RPS6KA2: variants seen among roughly 807,000 people sequenced by gnomAD.
RPS6KA2 encodes the protein ribosomal protein S6 kinase A2, also known as ribosomal protein S6 kinase alpha-2.
RPS6KA2 carries 42 observed loss-of-function variants against 91.8 expected under a neutral mutation model. The observed-to-expected ratio is 0.46, with a 90% CI of 0.36 to 0.59. The LOEUF (loss-of-function observed/expected upper bound fraction) is 0.59, where lower values mean the gene tolerates loss of function less well. Among genes scored for constraint, RPS6KA2 ranks in the 20% least tolerant of loss-of-function variants. The pLI, the probability that RPS6KA2 is intolerant of heterozygous loss-of-function variation, is 0.00. For synonymous variants in RPS6KA2, 414 were observed against 393.6 expected, an observed-to-expected ratio of 1.05 and a Z score of -0.61; for missense variants, 798 against 978.5, an observed-to-expected ratio of 0.82 and a Z score of 2.46.
At chr6:166,511,866 A>G (rs945125703) in intron 3 of RPS6KA2, among the ~76,000 whole-genome samples, 4 of 152,256 alleles carry the variant, frequency 2.6e-5, no homozygotes, top group Non-Finnish European at 5.9e-5. Flanking sequence ...AAAATGGTGC[A>G]GTCACTGAGG....
chr6:166,857,311 G>A (rs1275574875), intron 2 of RPS6KA2, among the ~76,000 whole-genome samples: 2 of 152,190 alleles, frequency 1.3e-5, no homozygotes, highest in African/African-American at 4.8e-5. Context: ...GTGGCTGAGC[G>A]ACTCAGTCTT....
In RPS6KA2 at chr6:166,612,528, G is replaced by C. The variant is rs1448039483; in HGVS notation, c.99+14393C>G. 6.6e-6 allele frequency among the ~76,000 whole-genome samples: 1 copy of C among 152,152 alleles called. No homozygotes were observed. The highest frequency in any genetic ancestry group is 1.5e-5 in the Non-Finnish European group (1 of 68,008). ...TCCTCTCTCCCTCCATGACAGACCA[G>C]GGCGAGGAAAGGAGAAATGATGAGC... On this transcript the variant is annotated intron_variant, in intron 1 of 20. Coordinates refer to ENST00000265678, the MANE Select transcript of RPS6KA2 (RefSeq NM_021135.6). The surrounding 1 kb of genome is among the most constrained non-coding windows in gnomAD (Gnocchi z 4.3).
chr6:166,735,817 G>T (rs1310235295), intron 2 of RPS6KA2, among the ~76,000 whole-genome samples: 3 of 152,216 alleles, frequency 2.0e-5, no homozygotes. Context: ...CTGCTGTGTG[G>T]CCTAGTTCCT....
At chr6:166,430,344 T>G in intron 16 of RPS6KA2, 109 bp downstream of exon 16, 1 of 999,044 alleles carries the variant, frequency 1.0e-6, no homozygotes, top group Non-Finnish European at 1.5e-6. Context: ...ACGGAAGGAA[T>G]TCCAGGACAA....
intron 17 of RPS6KA2, among the ~76,000 whole-genome samples, chr6:166,420,532 GTATA>G (rs1778686979): frequency 6.6e-6 from 1 of 152,166 alleles, no homozygotes; most frequent in Non-Finnish European, 1.5e-5. Flanking sequence ...ATTTCACTTA[GTATA>G]ACACCCTAAG....
chr6:166,455,809 G>A (rs186376762), intron 12 of RPS6KA2, among the ~76,000 whole-genome samples: 1 of 152,296 alleles, frequency 6.6e-6, no homozygotes, highest in Non-Finnish European at 1.5e-5. Flanking sequence ...GAGCTACCAC[G>A]GGCCGCAGAT....
At chr6:166,426,823 CAA>C (rs1288491364) in intron 16 of RPS6KA2, among the ~76,000 whole-genome samples, 1 of 139,392 alleles carries the variant, frequency 7.2e-6, no homozygotes, top group Non-Finnish European at 1.5e-5. Flanking sequence ...GCTTACCAAC[CAA>C]AAGAGTCCAG....
intron 6 of RPS6KA2, among the ~76,000 whole-genome samples, chr6:166,503,104 G>T (rs766102788): frequency 6.6e-6 from 1 of 152,184 alleles, no homozygotes; most frequent in Non-Finnish European, 1.5e-5. Context: ...ATGAAACCAC[G>T]TTTGTGTTAA....
intron 15 of RPS6KA2, 71 bp downstream of exon 15, chr6:166,432,330 G>C: frequency 1.0e-6 from 1 of 1,003,114 alleles, no homozygotes; most frequent in Non-Finnish European, 1.5e-6. Flanking sequence ...CTTGCTCTGA[G>C]TGAATGGGAG....
intron 2 of RPS6KA2, among the ~76,000 whole-genome samples, chr6:166,684,577 T>C (rs1788948281): frequency 6.6e-6 from 1 of 152,130 alleles, no homozygotes; most frequent in Non-Finnish European, 1.5e-5. Context: ...CTGTCCTGCA[T>C]CACCAGGAAG....
At chr6:166,759,196 G>C (rs541623709) in intron 2 of RPS6KA2, among the ~76,000 whole-genome samples, 2 of 152,288 alleles carry the variant, frequency 1.3e-5, no homozygotes, top group African/African-American at 4.8e-5. Flanking sequence ...CTTTCTAAGG[G>C]ATCATTTTTA....
intron 11 of RPS6KA2, among the ~76,000 whole-genome samples, chr6:166,469,493 G>A (rs181685262): frequency 1.2e-4 from 18 of 152,312 alleles, no homozygotes; most frequent in Admixed American, 1.2e-3. Flanking sequence ...TTAGAAGACA[G>A]TCACTCCTGG....
intron 17 of RPS6KA2, among the ~76,000 whole-genome samples, chr6:166,422,306 C>T (rs56171280): frequency 0.18 from 27,973 of 152,154 alleles, 8,298 homozygotes; most frequent in African/African-American, 0.63. Flanking sequence ...CATCCGTTCA[C>T]GTCTCAGCAC....
chr6:166,806,120 A>G (rs1463048764), intron 2 of RPS6KA2, among the ~76,000 whole-genome samples: 1 of 152,192 alleles, frequency 6.6e-6, no homozygotes, highest in Non-Finnish European at 1.5e-5. Flanking sequence ...AGTCTAAGGT[A>G]CCTGTGGAAC....
At chr6:166,752,771 C>G (rs898653391) in intron 2 of RPS6KA2, among the ~76,000 whole-genome samples, 2 of 152,188 alleles carry the variant, frequency 1.3e-5, no homozygotes, top group Middle Eastern at 3.2e-3. Flanking sequence ...TAGCCTCTCC[C>G]CCTGACTCTC....
intron 3 of RPS6KA2, among the ~76,000 whole-genome samples, chr6:166,525,046 C>G (rs1361840750): frequency 2.0e-4 from 31 of 152,226 alleles, no homozygotes; most frequent in Admixed American, 2.0e-3. Flanking sequence ...TTCCAGCTTG[C>G]AGCTGAGGAT....
At chr6:166,710,787 G>A (rs1789824123) in intron 2 of RPS6KA2, among the ~76,000 whole-genome samples, 1 of 152,154 alleles carries the variant, frequency 6.6e-6, no homozygotes, top group African/African-American at 2.4e-5. Flanking sequence ...GCAAGCTGGT[G>A]GAGAATTCCC....
intron 2 of RPS6KA2, among the ~76,000 whole-genome samples, chr6:166,803,444 G>C (rs1388475111): frequency 6.6e-6 from 1 of 152,204 alleles, no homozygotes; most frequent in Non-Finnish European, 1.5e-5. Context: ...ACAGTTGTTG[G>C]CCCTCATGCC....
rs565246556 is a variant in RPS6KA2 at position 166,627,082 on chromosome 6, C to A, written c.-63G>T. ...GGACGCGCATCCCCGGCATCCCAGGCGCGGGGCTCAGGTCCGCGGGCGGGC... is the reference window on the plus strand; with the variant it reads ...GGACGCGCATCCCCGGCATCCCAGGAGCGGGGCTCAGGTCCGCGGGCGGGC... On this transcript the variant is annotated 5_prime_UTR_variant, in exon 1 of 21. Coordinates refer to ENST00000265678, the MANE Select transcript of RPS6KA2 (RefSeq NM_021135.6). 5.9e-4 allele frequency: 755 copies of A among 1,284,806 alleles called. 3 individuals carry two copies. Among genetic ancestry groups the A allele is most frequent in the South Asian group, 4.9e-3 (210 of 43,230 alleles). The allele number at this position is 1,284,806 out of a possible 1,614,324, so 79.6% of individuals were successfully genotyped here. A position where few individuals can be genotyped will look rare whatever the true frequency, so the allele number is the denominator to read the frequency against.
Sources: allele counts gnomAD v4.1 joint callset (sites outside exome capture counted in the v4.1 genomes callset), GRCh38; gene constraint gnomAD v4.1.1; non-coding constraint Gnocchi (gnomAD v3.1); transcripts MANE v1.5; gene names NCBI Gene and HGNC (gene_info 2026-07-23, HGNC 2026-07-21).